The following HPSE2 variants were observed in gnomAD, a reference collection of about 807,000 sequenced individuals.
HPSE2 encodes heparanase 2 (inactive).
Under a neutral mutation model 60.5 loss-of-function variants are expected in HPSE2, and 38 were observed. That is an observed-to-expected ratio of 0.63 (90% CI 0.48 to 0.82). The LOEUF (loss-of-function observed/expected upper bound fraction) is 0.82. Ranked by LOEUF, HPSE2 falls within the 40% of genes least tolerant of loss-of-function variation. The pLI, the probability that HPSE2 is intolerant of heterozygous loss-of-function variation, is 0.00. For synonymous variants in HPSE2, 295 were observed against 293.2 expected, an observed-to-expected ratio of 1.01 and a Z score of -0.06; for missense variants, 713 against 740.4, an observed-to-expected ratio of 0.96 and a Z score of 0.43.
chr10:98,465,033 A>G (rs17109934), intron 11 of HPSE2, among the ~76,000 whole-genome samples: 307 of 152,354 alleles, frequency 2.0e-3, no homozygotes, highest in African/African-American at 6.9e-3. Flanking sequence ...GTCCTCATAC[A>G]TCCTTATCCA....
intron 3 of HPSE2, among the ~76,000 whole-genome samples, chr10:99,002,529 C>T (rs569493223): frequency 1.2e-4 from 19 of 152,174 alleles, no homozygotes; most frequent in Non-Finnish European, 5.9e-5. Flanking sequence ...AAATAGCAGA[C>T]CAATCTCATA....
At chr10:99,125,283 C>T (rs1036620444) in intron 3 of HPSE2, among the ~76,000 whole-genome samples, 13 of 152,204 alleles carry the variant, frequency 8.5e-5, no homozygotes, top group Admixed American at 5.2e-4. Flanking sequence ...TGCTACACTA[C>T]CTGGAGAGTG....
At chr10:99,306,648 G>A in the HPSE2 span, among the ~76,000 whole-genome samples, 2 of 152,308 alleles carry the variant, frequency 1.3e-5, no homozygotes, top group African/African-American at 4.8e-5. Flanking sequence ...CTGGTACTGT[G>A]AGCAAGATGT....
intron 3 of HPSE2, among the ~76,000 whole-genome samples, chr10:98,998,760 G>A (rs1956706137): frequency 6.6e-6 from 1 of 152,144 alleles, no homozygotes; most frequent in Non-Finnish European, 1.5e-5. Context: ...AGAAAACCCA[G>A]TACCCAGAGT....
At chr10:98,806,879 C>G (rs1951053978) in intron 3 of HPSE2, among the ~76,000 whole-genome samples, 1 of 152,152 alleles carries the variant, frequency 6.6e-6, no homozygotes, top group Non-Finnish European at 1.5e-5. Context: ...TGCGGTGGCT[C>G]ACGCCTGTAA....
the HPSE2 span, among the ~76,000 whole-genome samples, chr10:99,259,211 C>T: frequency 4.1e-4 from 61 of 149,954 alleles, 2 homozygotes; most frequent in South Asian, 0.012. Context: ...GAGGCTGAGG[C>T]GGGAGAATTG....
At chr10:98,648,954 C>T (rs540861797) in intron 6 of HPSE2, among the ~76,000 whole-genome samples, 2 of 152,208 alleles carry the variant, frequency 1.3e-5, no homozygotes, top group South Asian at 2.1e-4. Flanking sequence ...CCCCTTACCA[C>T]CTAGAACATC....
intron 8 of HPSE2, 99 bp downstream of exon 8, chr10:98,620,503 G>T: frequency 1.2e-6 from 1 of 832,892 alleles, no homozygotes; most frequent in Non-Finnish European, 2.0e-6. Context: ...CGGGAAACAT[G>T]CCTCACCCCT....
At chr10:99,177,339 A>T (rs1179291116) in intron 2 of HPSE2, among the ~76,000 whole-genome samples, 3 of 152,154 alleles carry the variant, frequency 2.0e-5, no homozygotes, top group Non-Finnish European at 4.4e-5. Flanking sequence ...AACTGCATGG[A>T]GTCAAGACCC....
At position 98,614,892 on chromosome 10, in the gene HPSE2, T is replaced by A; in HGVS notation, c.1320+12A>T. 1 of 1,534,562 alleles carries A rather than the reference T, an allele frequency of 6.5e-7. No homozygotes were observed. Among genetic ancestry groups the A allele is most frequent in the Non-Finnish European group, 9.0e-7 (1 of 1,107,278 alleles). On this transcript the variant is annotated intron_variant, in intron 9 of 11. Coordinates refer to ENST00000370552, the MANE Select transcript of HPSE2 (RefSeq NM_021828.5). ...ATGGAAAAGGGATTGGGAATCTTTA[T>A]CCCACACTTACTGGTAATGGGTTAA... is the stretch of plus-strand genomic sequence containing the variant.
At chr10:98,624,703 T>A (rs1352791251) in intron 7 of HPSE2, among the ~76,000 whole-genome samples, 1 of 152,248 alleles carries the variant, frequency 6.6e-6, no homozygotes, top group East Asian at 1.9e-4. Flanking sequence ...TATTATTTTA[T>A]AACCACTTCG....
At chr10:98,979,488 G>A (rs1956160414) in intron 3 of HPSE2, among the ~76,000 whole-genome samples, 2 of 152,032 alleles carry the variant, frequency 1.3e-5, no homozygotes. Flanking sequence ...CTCAAGGTTT[G>A]GAAAAAATTA....
At chr10:98,686,877 A>C (rs1225700830) in intron 6 of HPSE2, among the ~76,000 whole-genome samples, 2 of 152,136 alleles carry the variant, frequency 1.3e-5, no homozygotes, top group African/African-American at 4.8e-5. Flanking sequence ...TTCTATGTAC[A>C]CTTGAAAAAA....
intron 11 of HPSE2, among the ~76,000 whole-genome samples, chr10:98,460,023 G>A (rs577362275): frequency 3.4e-4 from 51 of 152,136 alleles, no homozygotes; most frequent in South Asian, 8.3e-4. Context: ...CAGCTTGGAG[G>A]TCCAGGGTTT....
At chr10:98,605,130 T>C (rs1484067443) in intron 9 of HPSE2, among the ~76,000 whole-genome samples, 1 of 152,224 alleles carries the variant, frequency 6.6e-6, no homozygotes, top group African/African-American at 2.4e-5. Flanking sequence ...CCAGTAGTAA[T>C]ATCTCCTACC....
chr10:99,272,437 A>G, the HPSE2 span, among the ~76,000 whole-genome samples: 1 of 152,218 alleles, frequency 6.6e-6, no homozygotes, highest in African/African-American at 2.4e-5. Context: ...CATGGGAATT[A>G]ATTAACTGAA....
the HPSE2 span, among the ~76,000 whole-genome samples, chr10:99,271,444 T>C: frequency 1.3e-5 from 2 of 151,936 alleles, no homozygotes; most frequent in African/African-American, 4.8e-5. Flanking sequence ...ACCAAGGAAA[T>C]GAAAGACCTC....
intron 9 of HPSE2, among the ~76,000 whole-genome samples, chr10:98,552,085 G>A (rs1033345273): frequency 6.6e-6 from 1 of 152,138 alleles, no homozygotes; most frequent in Non-Finnish European, 1.5e-5. Context: ...ATGAGGAGAG[G>A]GACCTGACTT....
chr10:99,169,592 C>T (rs1285540604), intron 2 of HPSE2, among the ~76,000 whole-genome samples: 1 of 137,740 alleles, frequency 7.3e-6, no homozygotes, highest in African/African-American at 2.7e-5. Context: ...GTAAATATAG[C>T]TTTCAAAGTG....
Sources: allele counts gnomAD v4.1 joint callset (sites outside exome capture counted in the v4.1 genomes callset), GRCh38; gene constraint gnomAD v4.1.1; transcripts MANE v1.5; gene names NCBI Gene and HGNC (gene_info 2026-07-23, HGNC 2026-07-21).